BLZF1: variants seen among roughly 807,000 people sequenced by gnomAD.
The protein encoded by BLZF1 is basic leucine zipper nuclear factor 1, also known as golgin-45.
BLZF1 carries 39 observed loss-of-function variants against 43.8 expected under a neutral mutation model. The observed-to-expected ratio is 0.89, with a 90% CI of 0.69 to 1.16. The LOEUF (loss-of-function observed/expected upper bound fraction) is 1.16, where lower values mean the gene tolerates loss of function less well. BLZF1 is among the 50% of genes most tolerant of loss of function. BLZF1 has a pLI of 0.00. For missense variants in BLZF1, 449 were observed against 469.8 expected (o/e 0.96, Z 0.41); for synonymous variants, 136 against 159.4 (o/e 0.85, Z 1.11).
At chr1:169,381,935 TGAGA>T (rs1654538693) in intron 5 of BLZF1, 123 bp from the exon 6 acceptor site, 1 of 745,184 alleles carries the variant, frequency 1.3e-6, no homozygotes, top group African/African-American at 1.8e-5. Flanking sequence ...TATGGAACTC[TGAGA>T]GAGAAAGGGA....
At chr1:169,383,322 C>T (rs1654579151) in intron 6 of BLZF1, among the ~76,000 whole-genome samples, 1 of 152,150 alleles carries the variant, frequency 6.6e-6, no homozygotes, top group Admixed American at 6.5e-5. Context: ...GCATACCTCC[C>T]CTCTAGGCCC....
chr1:169,382,197 G>A lies in BLZF1; in HGVS notation c.933G>A (p.Leu311=), dbSNP rs1350651046. ...CAAAAGCAGTAAATTCTCATCTTCT[G>A]GGAAATGTTGGCATTAACAATCAAA... ...KLAKAVNSHL[L]GNVGINNQKK... The change falls in exon 6 of 7, where the codon CTG becomes CTA. Residue 311 remains leucine (L), a synonymous_variant. Transcript: ENST00000367808. 2 of 1,613,506 alleles carry A rather than the reference G, an allele frequency of 1.2e-6. No individual in the cohort carries two copies. The highest frequency in any genetic ancestry group is 1.7e-6 in the Non-Finnish European group (2 of 1,179,700).
downstream of BLZF1, among the ~76,000 whole-genome samples, chr1:169,392,702 A>C (rs189318326): frequency 6.6e-6 from 1 of 152,160 alleles, no homozygotes; most frequent in Admixed American, 6.5e-5. Flanking sequence ...GAACCAACCA[A>C]GTAATTAGAG....
chr1:169,385,091 C>T (rs1255759558), intron 6 of BLZF1, among the ~76,000 whole-genome samples: 1 of 152,198 alleles, frequency 6.6e-6, no homozygotes, highest in African/African-American at 2.4e-5. Context: ...CCCTCTTTCT[C>T]GAACTATTCT....
chr1:169,382,389 C>A, intron 6 of BLZF1, 108 bp downstream of exon 6: 2 of 906,874 alleles, frequency 2.2e-6, no homozygotes, highest in Non-Finnish European at 3.3e-6. Context: ...AATGTGGGAT[C>A]TAAACCACTC....
At chr1:169,393,692 C>G (rs899055289) in intron 7 of BLZF1, among the ~76,000 whole-genome samples, 1 of 151,628 alleles carries the variant, frequency 6.6e-6, no homozygotes, top group Non-Finnish European at 1.5e-5. Flanking sequence ...ACCTCCACTT[C>G]TGGGGTTCAA....
chr1:169,384,896 T>C (rs1042008450), intron 6 of BLZF1, among the ~76,000 whole-genome samples: 1 of 152,252 alleles, frequency 6.6e-6, no homozygotes, highest in African/African-American at 2.4e-5. Flanking sequence ...TGTTTTTATG[T>C]TTCCTCAAGG....
chr1:169,377,033 T>G (rs776662135), intron 3 of BLZF1, 54 bp downstream of exon 3: 1 of 1,412,450 alleles, frequency 7.1e-7, no homozygotes, highest in East Asian at 2.3e-5. Context: ...TCTGGACCTT[T>G]TAAACGTGCA....
chr1:169,395,668 A>T (rs1654979007), intron 7 of BLZF1, among the ~76,000 whole-genome samples: 1 of 152,218 alleles, frequency 6.6e-6, no homozygotes, highest in South Asian at 2.1e-4. Context: ...AGTCCACAAA[A>T]TAGTTCTTAA....
Position 169,368,670 on chromosome 1 carries a change from A to T in BLZF1, c.-51+328A>T, listed in dbSNP as rs550835201. Among the ~76,000 whole-genome samples, 66 of 152,284 alleles carry T rather than the reference A, an allele frequency of 4.3e-4. 1 individual carries two copies. The South Asian group carries it at 0.014, about 32-fold the overall frequency. On this transcript the variant is annotated intron_variant, in intron 1 of 6. Coordinates refer to ENST00000367808, the MANE Select transcript of BLZF1 (RefSeq NM_001320973.2). The stretch of plus-strand genomic sequence containing the variant: ...GGCAGTTTCAGGGATCGTTACTCTT[A>T]CGAAGGGTTTTTTGGATACCTCTTT...
chr1:169,389,967 T>G (rs1654778428), downstream of BLZF1, among the ~76,000 whole-genome samples: 1 of 152,104 alleles, frequency 6.6e-6, no homozygotes, highest in African/African-American at 2.4e-5. Context: ...AAGTTTTTAT[T>G]TAGTGGGTAT....
At chr1:169,377,958 T>C (rs1654410168) in intron 3 of BLZF1, among the ~76,000 whole-genome samples, 1 of 152,060 alleles carries the variant, frequency 6.6e-6, no homozygotes, top group Non-Finnish European at 1.5e-5. Context: ...CACTAACTTA[T>C]AAATGTTTAA....
At chr1:169,393,515 G>C (rs1033441800) in intron 7 of BLZF1, among the ~76,000 whole-genome samples, 6 of 151,542 alleles carry the variant, frequency 4.0e-5, no homozygotes, top group Non-Finnish European at 8.8e-5. Context: ...ACTTGAACCC[G>C]GGAGGTGGAG....
At chr1:169,391,276 G>A (rs1654807881), downstream of BLZF1, among the ~76,000 whole-genome samples, 1 of 152,204 alleles carries the variant, frequency 6.6e-6, no homozygotes, top group Admixed American at 6.5e-5. Context: ...CACCCTTTGA[G>A]TTCGTCCGCT....
intron 6 of BLZF1, 26 bp downstream of exon 6, chr1:169,382,307 T>C: frequency 6.3e-7 from 1 of 1,590,514 alleles, no homozygotes; most frequent in Admixed American, 1.7e-5. Flanking sequence ...TTGTGATCTA[T>C]GGAACTTCTA....
intron 6 of BLZF1, 101 bp from the exon 7 acceptor site, chr1:169,386,896 A>G: frequency 1.3e-6 from 1 of 765,228 alleles, no homozygotes; most frequent in Admixed American, 3.1e-5. Flanking sequence ...ATAGTTATAT[A>G]TTAATGAAGT....
Position 169,387,323 on chromosome 1 carries a change from A to G in BLZF1, c.*141A>G. On this transcript the variant is annotated 3_prime_UTR_variant, in exon 7 of 7. Coordinates refer to ENST00000367808, the MANE Select transcript of BLZF1 (RefSeq NM_001320973.2). ...GTATACACCCAAAGATATTTTATGT[A>G]CTAGACTCCAGATTACCCTTTCTTA... The G allele has an allele frequency of 1.5e-6, 1 of 681,748 alleles. No individual in the cohort carries two copies. Among genetic ancestry groups the G allele is most frequent in the Non-Finnish European group, 2.3e-6 (1 of 427,122 alleles). The allele number at this position is 681,748 out of a possible 1,614,324, so 42.2% of individuals were successfully genotyped here.
At chr1:169,371,914 T>C (rs1654133997) in intron 2 of BLZF1, among the ~76,000 whole-genome samples, 2 of 152,256 alleles carry the variant, frequency 1.3e-5, no homozygotes, top group South Asian at 4.1e-4. Context: ...AAAAAGATAT[T>C]CCATGAGCAG....
rs370979036 is a variant in BLZF1, at chr1:169,376,218, T to C, written c.29-322T>C. ...TTATTACATTTTTTCTTACCAAAAT[T>C]CTATAGCAAAGTTGTTATGATCTCC... On this transcript the variant is annotated intron_variant, in intron 2 of 6. Transcript: ENST00000367808. Among the ~76,000 whole-genome samples, 57 of 152,214 alleles carry C rather than the reference T, an allele frequency of 3.7e-4. 1 individual carries two copies. The East Asian group carries it at 8.1e-3, about 22-fold the overall frequency.
Sources: gnomAD v4.1 joint callset for allele counts (sites outside exome capture counted in the v4.1 genomes callset) on GRCh38, gnomAD v4.1.1 for gene constraint, MANE v1.5 for transcripts, NCBI Gene and HGNC (gene_info 2026-07-23, HGNC 2026-07-21) for gene names.